Variants in LASP1NB observed in about 807,000 individuals in gnomAD.
LASP1NB encodes LASP1 neighbor protein.
At chr17:38,929,068 T>C in the LASP1NB span, 45 of 152,310 alleles carry the variant, frequency 3.0e-4, no homozygotes, top group African/African-American at 1.0e-3. Flanking sequence ...TTGGGTACAA[T>C]GTAAGGAGAG....
At chr17:38,925,918 G>T in the LASP1NB span, 1 of 393,410 alleles carries the variant, frequency 2.5e-6, no homozygotes, top group Non-Finnish European at 4.5e-6. Context: ...AAAAAGAAAA[G>T]AAAAAAAGAA....
At chr17:38,925,619 C>A in the LASP1NB span, 1 of 398,140 alleles carries the variant, frequency 2.5e-6, no homozygotes, top group South Asian at 1.3e-4. Flanking sequence ...CATTTCTCTC[C>A]ACCGACTGCA....
the LASP1NB span, chr17:38,928,208 A>G: frequency 2.6e-5 from 4 of 152,306 alleles, no homozygotes; most frequent in Non-Finnish European, 4.4e-5. Flanking sequence ...CATTTAGGGA[A>G]GTAGAAGCAG....
chr17:38,928,555 AT>A, the LASP1NB span: 4 of 152,076 alleles, frequency 2.6e-5, no homozygotes, highest in African/African-American at 7.2e-5. Flanking sequence ...GGCCATATTT[AT>A]TTACTCCAAA....
At chr17:38,928,630 C>T in the LASP1NB span, 2 of 152,256 alleles carry the variant, frequency 1.3e-5, no homozygotes, top group South Asian at 2.1e-4. Flanking sequence ...TATGATACTG[C>T]ATCGTGGTAT....
the LASP1NB span, chr17:38,926,318 G>C: frequency 1.3e-4 from 20 of 152,344 alleles, no homozygotes; most frequent in African/African-American, 4.8e-4. Context: ...GGTTTTCGGG[G>C]AGATGTCCAA....
the LASP1NB span, chr17:38,926,945 A>G: frequency 6.6e-6 from 1 of 152,042 alleles, no homozygotes; most frequent in African/African-American, 2.4e-5. Context: ...AAAATGTATC[A>G]TTTCTTCCCC....
At chr17:38,927,071 G>T in the LASP1NB span, 1 of 151,474 alleles carries the variant, frequency 6.6e-6, no homozygotes, top group African/African-American at 2.4e-5. Flanking sequence ...TACTTATTTA[G>T]GAAAAATCTC....
At chr17:38,926,715 G>A in the LASP1NB span, 1 of 152,148 alleles carries the variant, frequency 6.6e-6, no homozygotes, top group Admixed American at 6.5e-5. Context: ...TTCATTTTAA[G>A]TTTCCTTAGA....
At chr17:38,927,004 TA>T in the LASP1NB span, 1 of 152,162 alleles carries the variant, frequency 6.6e-6, no homozygotes, top group Admixed American at 6.5e-5. Flanking sequence ...GAGAAATGGT[TA>T]TATAGTCCTC....
the LASP1NB span, chr17:38,926,925 T>C: frequency 1.3e-5 from 2 of 152,162 alleles, no homozygotes; most frequent in African/African-American, 2.4e-5. Flanking sequence ...AACTTGTCAT[T>C]TGAGTTTTTA....
the LASP1NB span, chr17:38,925,884 T>C: frequency 5.8e-4 from 231 of 397,456 alleles, 1 homozygote; most frequent in South Asian, 1.9e-3. Context: ...CTTCTGCTGT[T>C]ATCTCGGGTA....
chr17:38,928,444 C>T, the LASP1NB span: 1 of 152,114 alleles, frequency 6.6e-6, no homozygotes, highest in South Asian at 2.1e-4. Flanking sequence ...CACTGGTAGT[C>T]CCCCTTTTCT....
the LASP1NB span, chr17:38,927,753 A>G: frequency 6.6e-6 from 1 of 152,160 alleles, no homozygotes; most frequent in Non-Finnish European, 1.5e-5. Flanking sequence ...TTTAAAAATT[A>G]TGGACAAGGC....
the LASP1NB span, chr17:38,926,316 G>C: frequency 6.6e-6 from 1 of 152,210 alleles, no homozygotes; most frequent in Non-Finnish European, 1.5e-5. Flanking sequence ...GGGGTTTTCG[G>C]GGAGATGTCC....
At chr17:38,928,633 CG>C in the LASP1NB span, 4 of 152,124 alleles carry the variant, frequency 2.6e-5, no homozygotes, top group Admixed American at 6.5e-5. Flanking sequence ...GATACTGCAT[CG>C]TGGTATGTAG....
chr17:38,928,498 G>A, the LASP1NB span: 1 of 151,936 alleles, frequency 6.6e-6, no homozygotes, highest in East Asian at 1.9e-4. Flanking sequence ...AAATTTAACT[G>A]CAAAACTCTT....
chr17:38,927,113 T>TGTGC, the LASP1NB span: 1 of 141,798 alleles, frequency 7.1e-6, no homozygotes, highest in African/African-American at 3.0e-5. Flanking sequence ...TGTGTGTGTG[T>TGTGC]GTGTGCGTGT....
chr17:38,925,857 G>A, the LASP1NB span: 8 of 397,574 alleles, frequency 2.0e-5, no homozygotes, highest in South Asian at 5.2e-4. Context: ...GCTTGCTGAC[G>A]CACCGGTGGA....
Sources: gnomAD v4.1 joint callset for allele counts on GRCh38, gnomAD v4.1.1 for gene constraint, MANE v1.5 for transcripts, NCBI Gene and HGNC (gene_info 2026-07-23, HGNC 2026-07-21) for gene names.